The following PIEZO2 variants were observed in gnomAD, a reference collection of about 807,000 sequenced individuals.
The protein encoded by PIEZO2 is piezo type mechanosensitive ion channel component 2.
A neutral mutation model predicts 337.3 loss-of-function variants in PIEZO2; 172 were observed. The observed-to-expected ratio is 0.51, with a 90% CI of 0.45 to 0.58. PIEZO2 has a LOEUF of 0.58. PIEZO2 is among the 20% of genes least tolerant of loss of function. The probability of loss-of-function intolerance (pLI) is 0.00; values close to 1 mark genes in which losing one functional copy is unlikely to be tolerated. For missense variants in PIEZO2, 3,028 were observed against 3,391.3 expected, an observed-to-expected ratio of 0.89 and a Z score of 2.66; for synonymous variants, 1,251 against 1,228.5, an observed-to-expected ratio of 1.02 and a Z score of -0.38.
At chr18:10,906,647 G>A (rs970841221) in intron 4 of PIEZO2, among the ~76,000 whole-genome samples, 2 of 151,868 alleles carry the variant, frequency 1.3e-5, no homozygotes, top group Non-Finnish European at 2.9e-5. Flanking sequence ...TGCAACCTCC[G>A]CCTCCTGGGT....
At chr18:10,779,501 T>C (rs537670281) in intron 18 of PIEZO2, among the ~76,000 whole-genome samples, 1 of 152,320 alleles carries the variant, frequency 6.6e-6, no homozygotes, top group South Asian at 2.1e-4. Flanking sequence ...GGACATTATA[T>C]GTTTTATCTC....
In PIEZO2 at chr18:10,952,323, T is replaced by G. The variant is rs574314224; in HGVS notation, c.286+27212A>C. On this transcript the variant is annotated intron_variant, in intron 3 of 55. Coordinates refer to ENST00000674853, the MANE Select transcript of PIEZO2 (RefSeq NM_001378183.1). The surrounding 1 kb of genome is among the most constrained non-coding windows in gnomAD (Gnocchi z 4.1). Reference sequence around the variant, plus strand: ...CATACAGTCATTTAACTACCACTACTGTCAAAATGTAAAGTTCCATCAGCC... The same window carrying G: ...CATACAGTCATTTAACTACCACTACGGTCAAAATGTAAAGTTCCATCAGCC... 2.6e-5 allele frequency among the ~76,000 whole-genome samples: 4 copies of G among 152,346 alleles called. No individual in the cohort carries two copies. Among genetic ancestry groups the G allele is most frequent in the African/African-American group, 9.6e-5 (4 of 41,582 alleles).
At chr18:10,869,065 T>A (rs1427202560) in intron 5 of PIEZO2, among the ~76,000 whole-genome samples, 1 of 152,182 alleles carries the variant, frequency 6.6e-6, no homozygotes, top group Admixed American at 6.5e-5. Context: ...ACCTCTCAAA[T>A]TGGAGAAGGA....
At chr18:10,896,551 T>A (rs920878006) in intron 4 of PIEZO2, among the ~76,000 whole-genome samples, 1 of 152,178 alleles carries the variant, frequency 6.6e-6, no homozygotes, top group Non-Finnish European at 1.5e-5. Context: ...GATGGCCGAG[T>A]GAAAACAATT....
chr18:10,891,914 A>G (rs141958421), intron 4 of PIEZO2, among the ~76,000 whole-genome samples: 3 of 152,370 alleles, frequency 2.0e-5, no homozygotes, highest in Admixed American at 6.5e-5. Flanking sequence ...TACAAATAGA[A>G]TCACCCAAGA....
intron 1 of PIEZO2, among the ~76,000 whole-genome samples, chr18:11,088,186 C>G (rs185581813): frequency 1.1e-3 from 173 of 152,318 alleles, no homozygotes; most frequent in African/African-American, 4.0e-3. Context: ...CTATTCATTC[C>G]TGTCTCCCCA....
At chr18:10,688,548 G>C (rs1297635520) in intron 49 of PIEZO2, among the ~76,000 whole-genome samples, 2 of 152,098 alleles carry the variant, frequency 1.3e-5, no homozygotes, top group Non-Finnish European at 2.9e-5. Flanking sequence ...CTTTGGGGTA[G>C]CTTTGGTTGT....
Position 10,724,421 on chromosome 18 carries a change from TGGAG to T in PIEZO2, c.5030-6166_5030-6163del, listed in dbSNP as rs2036442195. Among the ~76,000 whole-genome samples the T allele has an allele frequency of 6.6e-6, 1 of 152,148 alleles. No homozygotes were observed. On this transcript the variant is annotated intron_variant, in intron 36 of 55. Coordinates refer to ENST00000674853, the MANE Select transcript of PIEZO2 (RefSeq NM_001378183.1). This position sits in a 1 kb window ranked among gnomAD's most constrained non-coding sequence, Gnocchi z 5.8. ...CCCAGCATACTTGGGTGAAGTCTGC[TGGAG>T]GCAATGCATGCTGCAGCCAATCAGA...
In PIEZO2 at chr18:10,894,076, T is replaced by G. The variant is rs898652339; in HGVS notation, c.329+17110A>C. Among the ~76,000 whole-genome samples, 1 of 152,080 alleles carries G rather than the reference T, an allele frequency of 6.6e-6. No individual in the cohort carries two copies. The highest frequency in any genetic ancestry group is 2.4e-5 in the African/African-American group (1 of 41,392). ...CAAGGAAAGGCCGTCTCCGTATAGATAGAAAGACACCCGAAACTGGTGATC... is the reference window on the plus strand; with the variant it reads ...CAAGGAAAGGCCGTCTCCGTATAGAGAGAAAGACACCCGAAACTGGTGATC... On this transcript the variant is annotated intron_variant, in intron 4 of 55. Coordinates refer to ENST00000674853, the MANE Select transcript of PIEZO2 (RefSeq NM_001378183.1). The surrounding 1 kb of genome is among the most constrained non-coding windows in gnomAD (Gnocchi z 4.1).
At position 10,671,492 on chromosome 18, in the gene PIEZO2, A is replaced by G. The variant is rs749400682; in HGVS notation, c.*35T>C. 1.9e-6 allele frequency: 3 copies of G among 1,572,992 alleles called. No individual in the cohort carries two copies. The highest frequency in any genetic ancestry group is 2.6e-6 in the Non-Finnish European group (3 of 1,160,728). ...TATTGTGCTTTTAAAAAAAATTCAAATGTTAACATTATTTGCAGTCTGTGT... is the reference window on the plus strand; with the variant it reads ...TATTGTGCTTTTAAAAAAAATTCAAGTGTTAACATTATTTGCAGTCTGTGT... On this transcript the variant is annotated 3_prime_UTR_variant, in exon 56 of 56. Transcript: ENST00000674853.
rs549521035 is a variant in PIEZO2 at position 11,125,309 on chromosome 18, C to T, written c.64+23216G>A. On this transcript the variant is annotated intron_variant, in intron 1 of 55. Transcript: ENST00000674853. The surrounding 1 kb of genome is among the most constrained non-coding windows in gnomAD (Gnocchi z 4.4). Reference sequence around the variant, plus strand: ...TATGTTTTAAAAACTACGATGTGTCCGACAAAAGACAGTGCTGTTAAGTCA... The same window carrying T: ...TATGTTTTAAAAACTACGATGTGTCTGACAAAAGACAGTGCTGTTAAGTCA... Among the ~76,000 whole-genome samples, 4 of 152,212 alleles carry T rather than the reference C, an allele frequency of 2.6e-5. No homozygotes were observed. Among genetic ancestry groups the T allele is most frequent in the East Asian group, 1.9e-4 (1 of 5,174 alleles).
intron 5 of PIEZO2, among the ~76,000 whole-genome samples, chr18:10,867,695 A>G (rs2042041725): frequency 6.6e-6 from 1 of 152,236 alleles, no homozygotes; most frequent in Admixed American, 6.5e-5. Flanking sequence ...ATAGCTAGAA[A>G]GAATTGTAAG....
chr18:11,006,628 A>T (rs890428575), intron 2 of PIEZO2, among the ~76,000 whole-genome samples: 1 of 152,120 alleles, frequency 6.6e-6, no homozygotes, highest in African/African-American at 2.4e-5. Context: ...AGCCAGCCCA[A>T]GGCTACAAAT....
intron 4 of PIEZO2, among the ~76,000 whole-genome samples, chr18:10,885,860 G>T (rs929099001): frequency 6.6e-6 from 1 of 152,182 alleles, no homozygotes; most frequent in Non-Finnish European, 1.5e-5. Flanking sequence ...CAGATGACTA[G>T]CAGAAGCTGG....
rs2032783354 is a variant in PIEZO2, at chr18:10,942,497, G to A, written c.287-31269C>T. ...GGCAGCATTCTGCCCCTGCCCTAGA[G>A]ATTTGTGGAACTTTGAACTTGAGAG... is the stretch of plus-strand genomic sequence containing the variant. On this transcript the variant is annotated intron_variant, in intron 3 of 55. Coordinates refer to ENST00000674853, the MANE Select transcript of PIEZO2 (RefSeq NM_001378183.1). The surrounding 1 kb of genome is among the most constrained non-coding windows in gnomAD (Gnocchi z 4.4). 6.6e-6 allele frequency among the ~76,000 whole-genome samples: 1 copy of A among 152,174 alleles called. No individual in the cohort carries two copies. Among genetic ancestry groups the A allele is most frequent in the South Asian group, 2.1e-4 (1 of 4,826 alleles).
intron 36 of PIEZO2, among the ~76,000 whole-genome samples, chr18:10,720,935 T>C (rs1386096585): frequency 6.6e-6 from 1 of 152,218 alleles, no homozygotes; most frequent in Non-Finnish European, 1.5e-5. Context: ...TGTCAGGCTG[T>C]GTACAAATAC....
In PIEZO2 at chr18:10,758,201, A is replaced by G. The variant is rs915170535; in HGVS notation, c.3758-67T>C. On this transcript the variant is annotated intron_variant, in intron 26 of 55. Transcript: ENST00000674853. ...TTCTGATTTACATAATGCAACACAC[A>G]GTCATCACACAGCAACAGCCATTCC... 42 of 1,461,810 alleles carry G rather than the reference A, an allele frequency of 2.9e-5. No homozygotes were observed. The African/African-American group carries it at 4.9e-4, about 17-fold the overall frequency. The allele number at this position is 1,461,810 out of a possible 1,614,324, so 90.6% of individuals were successfully genotyped here. A position where few individuals can be genotyped will look rare whatever the true frequency, so the allele number is the denominator to read the frequency against.
chr18:10,900,178 T>TACACACACAC (rs56708718), intron 4 of PIEZO2, among the ~76,000 whole-genome samples: 4 of 148,402 alleles, frequency 2.7e-5, no homozygotes, highest in South Asian at 2.2e-4. Flanking sequence ...TTACTTTTGT[T>TACACACACAC]ACACACACAC....
intron 21 of PIEZO2, among the ~76,000 whole-genome samples, chr18:10,763,898 C>A (rs2038243841): frequency 6.6e-6 from 1 of 152,274 alleles, no homozygotes; most frequent in Non-Finnish European, 1.5e-5. Flanking sequence ...GACTGATTGG[C>A]TTGGTGGGCC....
Sources: allele counts gnomAD v4.1 joint callset (sites outside exome capture counted in the v4.1 genomes callset), GRCh38; gene constraint gnomAD v4.1.1; non-coding constraint Gnocchi (gnomAD v3.1); transcripts MANE v1.5; gene names NCBI Gene and HGNC (gene_info 2026-07-23, HGNC 2026-07-21).